MRPS15: variants seen among roughly 807,000 people sequenced by gnomAD.
MRPS15 encodes mitochondrial ribosomal protein S15.
In MRPS15, 25 loss-of-function variants were observed where a neutral mutation model predicts 30.7. The ratio of observed to expected loss-of-function variants is 0.81; its 90% CI spans 0.59 to 1.14. The LOEUF (loss-of-function observed/expected upper bound fraction) is 1.14, where lower values mean the gene tolerates loss of function less well. Among genes scored for constraint, MRPS15 ranks in the 50% most tolerant of loss-of-function variants. The probability of loss-of-function intolerance (pLI) is 0.00; values close to 1 mark genes in which losing one functional copy is unlikely to be tolerated. For synonymous variants in MRPS15, 124 were observed against 120.1 expected (o/e 1.03, Z -0.21); for missense variants, 313 against 321.7 (o/e 0.97, Z 0.21).
At chr1:36,460,504 A>T (rs1041748656) in intron 5 of MRPS15, among the ~76,000 whole-genome samples, 188 bp downstream of exon 5, 9 of 152,188 alleles carry the variant, frequency 5.9e-5, no homozygotes, top group Admixed American at 5.9e-4. Flanking sequence ...ACAGTGGTAC[A>T]AGGTCCAACT....
At chr1:36,463,227 A>G (rs947951823) in intron 2 of MRPS15, among the ~76,000 whole-genome samples, 16 of 152,230 alleles carry the variant, frequency 1.1e-4, no homozygotes, top group Non-Finnish European at 1.8e-4. Flanking sequence ...TTGGCCTCCC[A>G]AAGTGTTGGG....
chr1:36,458,822 C>G lies in MRPS15; in HGVS notation c.386-841G>C, dbSNP rs1015933409. The G allele has an allele frequency of 4.6e-5, 7 of 152,218 alleles. No homozygotes were observed. Among genetic ancestry groups the G allele is most frequent in the Non-Finnish European group, 1.5e-5 (1 of 68,052 alleles). The allele number at this position is 152,218 out of a possible 1,614,324, so 9.4% of individuals were successfully genotyped here. A position where few individuals can be genotyped will look rare whatever the true frequency, so the allele number is the denominator to read the frequency against. On this transcript the variant is annotated intron_variant, in intron 5 of 7. Transcript: ENST00000373116. The surrounding 1 kb of genome is among the most constrained non-coding windows in gnomAD (Gnocchi z 4.5). Reference sequence around the variant, plus strand: ...TTCAGGCATCCTCTTGTTTAATTTACCCCCTGTACTGCAAAGATGGGGGCA... The same window carrying G: ...TTCAGGCATCCTCTTGTTTAATTTAGCCCCTGTACTGCAAAGATGGGGGCA...
At chr1:36,461,374 T>A in intron 3 of MRPS15, 62 bp from the exon 4 acceptor site, 1 of 1,492,530 alleles carries the variant, frequency 6.7e-7, no homozygotes, top group Non-Finnish European at 9.3e-7. Context: ...GCAATGCTGG[T>A]TTCATTTTAG....
chr1:36,461,939 C>T (rs1327262691), intron 3 of MRPS15, 149 bp downstream of exon 3: 1 of 641,948 alleles, frequency 1.6e-6, no homozygotes, highest in Non-Finnish European at 2.7e-6. Flanking sequence ...ACCACCCACC[C>T]TCACCACACC....
At position 36,461,360 on chromosome 1, in the gene MRPS15, G is replaced by A. The variant is rs41267289; in HGVS notation, c.252-48C>T. 15,142 of 1,536,350 alleles carry A rather than the reference G, an allele frequency of 9.9e-3. 111 individuals are homozygous for A. Among genetic ancestry groups the A allele is most frequent in the Middle Eastern group, 0.02 (117 of 5,924 alleles). On this transcript the variant is annotated intron_variant, in intron 3 of 7. Coordinates refer to ENST00000373116, the MANE Select transcript of MRPS15 (RefSeq NM_031280.4). Reference sequence around the variant, plus strand: ...AGACAGACATTGGGGGAGAAGAGAGGAAAGCAATGCTGGTTTCATTTTAGT... The same window carrying A: ...AGACAGACATTGGGGGAGAAGAGAGAAAAGCAATGCTGGTTTCATTTTAGT...
chr1:36,456,333 T>G lies in MRPS15; in HGVS notation c.490A>C (p.Lys164Gln). ...RYLLMSIDQR[K>Q]KMLKNLRNTN... ...TTACGGAGGTTTTTGAGCATCTTTT[T>G]CCTCTGGTCAATGCTCATTAGCAGA... Residue 164 changes from lysine (K) to glutamine (Q), a missense_variant, in exon 7 of 8, where the codon AAA becomes CAA. Coordinates refer to ENST00000373116, the MANE Select transcript of MRPS15 (RefSeq NM_031280.4). 6.2e-7 allele frequency: 1 copy of G among 1,614,146 alleles called. No individual in the cohort carries two copies. Among genetic ancestry groups the G allele is most frequent in the Non-Finnish European group, 8.5e-7 (1 of 1,180,018 alleles).
chr1:36,457,791 G>A (rs1650026322), intron 6 of MRPS15, 132 bp downstream of exon 6: 13 of 800,120 alleles, frequency 1.6e-5, no homozygotes, highest in Non-Finnish European at 2.3e-5. Flanking sequence ...AAGGCTCCAA[G>A]TCCTCTGGAG....
rs754295826 is a variant in MRPS15 at position 36,462,159 on chromosome 1, C to G, written c.180G>C (p.Gln60His). The G allele has an allele frequency of 1.2e-6, 2 of 1,612,062 alleles. No individual in the cohort carries two copies. The highest frequency in any genetic ancestry group is 1.7e-6 in the Non-Finnish European group (2 of 1,178,660). ...GAGGTGGGTCATCATCCAGCCTAGACTGGGCTGTCAAGTAAATATGGGGAT... is the reference window on the plus strand; with the variant it reads ...GAGGTGGGTCATCATCCAGCCTAGAGTGGGCTGTCAAGTAAATATGGGGAT... ...ARGYVVRKPA[Q>H]SRLDDDPPPS... The change falls in exon 3 of 8, where the codon CAG becomes CAC. Residue 60 changes from glutamine (Q) to histidine (H), a missense_variant. Gln to His is a conservative substitution (Grantham distance 24). Coordinates refer to ENST00000373116, the MANE Select transcript of MRPS15 (RefSeq NM_031280.4).
rs1416192364 is a variant in MRPS15 at position 36,462,920 on chromosome 1, C to A, written c.176-757G>T. On this transcript the variant is annotated intron_variant, in intron 2 of 7. Transcript: ENST00000373116. The stretch of plus-strand genomic sequence containing the variant: ...CTCCTGGCCTCAAGTGATCCTCCAG[C>A]CTTGGCCTCCCAAAATGTTGGGGCC... Among the ~76,000 whole-genome samples the A allele has an allele frequency of 2.0e-5, 3 of 152,308 alleles. No homozygotes were observed. In the East Asian group the frequency reaches 5.8e-4, roughly 29 times the overall value.
intron 4 of MRPS15, 59 bp from the exon 5 acceptor site, chr1:36,460,835 C>T (rs1050414494): frequency 2.1e-6 from 3 of 1,424,944 alleles, no homozygotes; most frequent in African/African-American, 2.8e-5. Flanking sequence ...AGAACTAGCC[C>T]TCCTCCCCCC....
At position 36,463,535 on chromosome 1, in the gene MRPS15, T is replaced by C. The variant is rs113757380; in HGVS notation, c.175+271A>G. Among the ~76,000 whole-genome samples the C allele has an allele frequency of 6.0e-3, 919 of 152,310 alleles. 14 individuals are homozygous for C. The highest frequency in any genetic ancestry group is 0.021 in the African/African-American group (872 of 41,558). On this transcript the variant is annotated intron_variant, in intron 2 of 7. Coordinates refer to ENST00000373116, the MANE Select transcript of MRPS15 (RefSeq NM_031280.4). ...CAGACACAAAGTGCCATACTCTAGG[T>C]AGGCCTGGGTGGTGCCAGCCATGCA...
At chr1:36,461,201 G>C (rs1650090971) in intron 4 of MRPS15, 63 bp downstream of exon 4, 3 of 1,491,276 alleles carry the variant, frequency 2.0e-6, no homozygotes, top group Non-Finnish European at 2.8e-6. Context: ...GTGCTAATCA[G>C]GGTAGAAGGG....
Position 36,461,479 on chromosome 1 carries a change from G to A in MRPS15, c.252-167C>T, listed in dbSNP as rs902961413. Among the ~76,000 whole-genome samples, 9 of 152,246 alleles carry A rather than the reference G, an allele frequency of 5.9e-5. 1 individual carries two copies. The South Asian group carries it at 1.7e-3, about 28-fold the overall frequency. On this transcript the variant is annotated intron_variant, in intron 3 of 7. Coordinates refer to ENST00000373116, the MANE Select transcript of MRPS15 (RefSeq NM_031280.4). ...TTCCCAGGGATTAAAAGTCAGTGTG[G>A]ATCTGGCTTGCTGGGCTGAAACTAC... is the stretch of plus-strand genomic sequence containing the variant.
intron 6 of MRPS15, among the ~76,000 whole-genome samples, chr1:36,457,629 G>C (rs1037387811): frequency 6.6e-6 from 1 of 152,168 alleles, no homozygotes; most frequent in Non-Finnish European, 1.5e-5. Context: ...TACTTAAGTG[G>C]AAGTGGCAGA....
Position 36,463,819 on chromosome 1 carries a change from G to C in MRPS15, c.162C>G (p.Val54=). The C allele has an allele frequency of 1.9e-6, 3 of 1,612,452 alleles. No individual in the cohort carries two copies. In the South Asian group the frequency reaches 3.3e-5, roughly 18 times the overall value. ...AGGAACTCCTACCTGGTTTCCGGACGACATATCCGCGCGCGGCCTGGAGGA... is the reference window on the plus strand; with the variant it reads ...AGGAACTCCTACCTGGTTTCCGGACCACATATCCGCGCGCGGCCTGGAGGA... ...SLLLQAARGY[V]VRKPAQSRLD... The change falls in exon 2 of 8, where the codon GTC becomes GTG. Residue 54 remains valine, a synonymous_variant. Transcript: ENST00000373116.
chr1:36,463,685 T>C (rs1381903785), intron 2 of MRPS15, 121 bp downstream of exon 2: 7 of 1,185,968 alleles, frequency 5.9e-6, no homozygotes, highest in Non-Finnish European at 8.2e-6. Context: ...TGGGGTCTTT[T>C]GCTCAGGACC....
At chr1:36,461,381 TTA>T in intron 3 of MRPS15, 69 bp from the exon 4 acceptor site, 2 of 1,462,322 alleles carry the variant, frequency 1.4e-6, no homozygotes, top group Non-Finnish European at 1.9e-6. Context: ...TGGTTTCATT[TTA>T]GTTTGAAAAG....
chr1:36,456,239 T>C lies in MRPS15; in HGVS notation c.584A>G (p.Tyr195Cys). ...GAATCGGCGGTGGGCTCTTCGGTAATACAGAGGGGGGAAGGTGTACTCAAT... is the reference window on the plus strand; with the variant it reads ...GAATCGGCGGTGGGCTCTTCGGTAACACAGAGGGGGGAAGGTGTACTCAAT... Reference protein sequence around the residue: ...LGIEYTFPPLYYRRAHRRFVT... With the variant: ...LGIEYTFPPLCYRRAHRRFVT... The change falls in exon 7 of 8, where the codon TAT becomes TGT. Residue 195 changes from tyrosine to cysteine, a missense_variant. Physicochemically the swap from Tyr to Cys is radical, Grantham distance 194. Transcript: ENST00000373116. The C allele has an allele frequency of 2.5e-6, 4 of 1,613,946 alleles. No individual in the cohort carries two copies. The highest frequency in any genetic ancestry group is 3.4e-6 in the Non-Finnish European group (4 of 1,179,986).
rs376972218 is a variant in MRPS15 at position 36,458,297 on chromosome 1, C to T, written c.386-316G>A. On this transcript the variant is annotated intron_variant, in intron 5 of 7. Transcript: ENST00000373116. This position sits in a 1 kb window ranked among gnomAD's most constrained non-coding sequence, Gnocchi z 4.5. ...AGGCTGGAGTGCAGTGGTGCGATCT[C>T]GGCTCACCGCAGCCTCTGCCTCCCA... 7.0e-5 allele frequency: 16 copies of T among 227,832 alleles called. No individual in the cohort carries two copies. Among genetic ancestry groups the T allele is most frequent in the East Asian group, 5.1e-4 (5 of 9,724 alleles). The allele number at this position is 227,832 out of a possible 1,614,324, so 14.1% of individuals were successfully genotyped here.
Sources: gnomAD v4.1 joint callset for allele counts (sites outside exome capture counted in the v4.1 genomes callset) on GRCh38, gnomAD v4.1.1 for gene constraint, Gnocchi (gnomAD v3.1) non-coding constraint, MANE v1.5 for transcripts, NCBI Gene and HGNC (gene_info 2026-07-23, HGNC 2026-07-21) for gene names.